Variants in MECOM observed in about 807,000 individuals in gnomAD.
MECOM encodes MDS1 and EVI1 complex locus.
MECOM carries 13 observed loss-of-function variants against 116.3 expected under a neutral mutation model. That is an observed-to-expected ratio of 0.11 (90% CI 0.07 to 0.18). The LOEUF (loss-of-function observed/expected upper bound fraction) is 0.18. Among genes scored for constraint, MECOM ranks in the 10% least tolerant of loss-of-function variants. The pLI is 1.00. For missense variants in MECOM, 1,299 were observed against 1,509.0 expected (o/e 0.86, Z 2.31); for synonymous variants, 528 against 535.2 (o/e 0.99, Z 0.19).
chr3:169,322,926 G>T (rs977432309), intron 2 of MECOM, among the ~76,000 whole-genome samples: 1 of 149,372 alleles, frequency 6.7e-6, no homozygotes, highest in Non-Finnish European at 1.5e-5. Context: ...TGAACCCGGG[G>T]GGGGCAGAGT....
chr3:169,528,016 C>T (rs1213564607), intron 1 of MECOM, among the ~76,000 whole-genome samples: 4 of 152,152 alleles, frequency 2.6e-5, no homozygotes, highest in African/African-American at 9.7e-5. Context: ...TTCCCTGACA[C>T]TCTGGGGGTG....
chr3:169,364,324 A>C (rs897475800), intron 2 of MECOM, among the ~76,000 whole-genome samples: 1 of 152,034 alleles, frequency 6.6e-6, no homozygotes, highest in Non-Finnish European at 1.5e-5. Context: ...GACATTATCA[A>C]AAATGATTTA....
intron 1 of MECOM, among the ~76,000 whole-genome samples, chr3:169,653,041 A>G (rs1775107427): frequency 6.6e-6 from 1 of 152,214 alleles, no homozygotes. Flanking sequence ...CATGGGCAAT[A>G]CCTGCACTGG....
chr3:169,441,119 C>T (rs1237042060), intron 1 of MECOM, among the ~76,000 whole-genome samples: 1 of 152,110 alleles, frequency 6.6e-6, no homozygotes, highest in East Asian at 1.9e-4. Flanking sequence ...GGTAGACACA[C>T]GTGTAGCCAT....
intron 1 of MECOM, among the ~76,000 whole-genome samples, chr3:169,499,079 T>A (rs1754198373): frequency 6.6e-6 from 1 of 151,906 alleles, no homozygotes; most frequent in African/African-American, 2.4e-5. Context: ...TTAAGAGATA[T>A]AAAACTATAT....
At chr3:169,120,194 C>T (rs1024569797) in intron 7 of MECOM, among the ~76,000 whole-genome samples, 3 of 152,120 alleles carry the variant, frequency 2.0e-5, no homozygotes, top group Non-Finnish European at 2.9e-5. Context: ...TTATATGCCC[C>T]GCCAAGCAAT....
chr3:169,507,684 T>C (rs1300464134), intron 1 of MECOM, among the ~76,000 whole-genome samples: 2 of 132,218 alleles, frequency 1.5e-5, no homozygotes, highest in African/African-American at 5.8e-5. Context: ...TTTTTTGAGA[T>C]GGAGTCTCGC....
At chr3:169,517,259 G>A (rs1165500128) in intron 1 of MECOM, among the ~76,000 whole-genome samples, 1 of 152,186 alleles carries the variant, frequency 6.6e-6, no homozygotes, top group Non-Finnish European at 1.5e-5. Context: ...CATGGGGAGG[G>A]AATGGAGCTA....
intron 2 of MECOM, chr3:169,147,533 G>A (rs936883379): frequency 9.1e-6 from 9 of 985,480 alleles, no homozygotes; most frequent in Middle Eastern, 5.2e-4. Context: ...TCCTCTGGCG[G>A]GAGAGGTCAC....
chr3:169,537,811 A>T (rs1024919410), intron 1 of MECOM, among the ~76,000 whole-genome samples: 2 of 152,066 alleles, frequency 1.3e-5, no homozygotes, highest in Admixed American at 1.3e-4. Context: ...ATAAAACTTG[A>T]GTACAAAGGT....
At chr3:169,294,450 C>G (rs1715208237) in intron 2 of MECOM, among the ~76,000 whole-genome samples, 1 of 152,030 alleles carries the variant, frequency 6.6e-6, no homozygotes, top group East Asian at 1.9e-4. Context: ...AGGTCACAAA[C>G]AAAGTAAAAA....
At chr3:169,359,477 C>A (rs1727834098) in intron 2 of MECOM, among the ~76,000 whole-genome samples, 1 of 151,608 alleles carries the variant, frequency 6.6e-6, no homozygotes, top group Non-Finnish European at 1.5e-5. Context: ...CAGTATAGTA[C>A]CTTTGGTAAT....
At chr3:169,492,197 T>C (rs1415421083) in intron 1 of MECOM, among the ~76,000 whole-genome samples, 3 of 152,180 alleles carry the variant, frequency 2.0e-5, no homozygotes, top group African/African-American at 4.8e-5. Context: ...TATGAGGCTA[T>C]TTAGATATTA....
chr3:169,146,791 A>G (rs1740074595), intron 2 of MECOM: 1 of 1,135,712 alleles, frequency 8.8e-7, no homozygotes, highest in Admixed American at 3.7e-5. Context: ...AAACAAAATA[A>G]AATAATCAGC....
chr3:169,227,468 G>T (rs1216173378), intron 2 of MECOM, among the ~76,000 whole-genome samples: 2 of 152,144 alleles, frequency 1.3e-5, no homozygotes, highest in African/African-American at 4.8e-5. Flanking sequence ...ATGTTTCTGA[G>T]AATTCTGTAT....
At chr3:169,198,783 T>C (rs1577324571) in intron 2 of MECOM, among the ~76,000 whole-genome samples, 1 of 151,706 alleles carries the variant, frequency 6.6e-6, no homozygotes, top group African/African-American at 2.4e-5. Flanking sequence ...GTGGAGGAGG[T>C]AGACATTAAA....
At chr3:169,659,039 G>A (rs1175364273) in intron 1 of MECOM, among the ~76,000 whole-genome samples, 31 of 128,218 alleles carry the variant, frequency 2.4e-4, no homozygotes, top group African/African-American at 8.5e-4. Context: ...CATGCTTAAA[G>A]AGAAATTGCT....
At chr3:169,496,857 A>G (rs972560550) in intron 1 of MECOM, among the ~76,000 whole-genome samples, 21 of 152,212 alleles carry the variant, frequency 1.4e-4, no homozygotes, top group Admixed American at 2.6e-4. Flanking sequence ...TGAACAATAA[A>G]TGTTTACAGG....
chr3:169,545,274 G>A (rs530682863), intron 1 of MECOM, among the ~76,000 whole-genome samples: 2 of 152,052 alleles, frequency 1.3e-5, no homozygotes, highest in Non-Finnish European at 1.5e-5. Flanking sequence ...TCTGCTACAT[G>A]GCTTAGATTA....
Sources: allele counts gnomAD v4.1 joint callset (sites outside exome capture counted in the v4.1 genomes callset), GRCh38; gene constraint gnomAD v4.1.1; transcripts MANE v1.5; gene names NCBI Gene and HGNC (gene_info 2026-07-23, HGNC 2026-07-21).